RELCH: variants seen among roughly 807,000 people sequenced by gnomAD.
RELCH encodes the protein RAB11-binding protein RELCH.
Under a neutral mutation model 150.3 loss-of-function variants are expected in RELCH, and 41 were observed. The observed-to-expected ratio is 0.27, with a 90% confidence interval of 0.21 to 0.35. The LOEUF (loss-of-function observed/expected upper bound fraction) is 0.35, where lower values mean the gene tolerates loss of function less well. Ranked by LOEUF, RELCH falls within the 10% of genes least tolerant of loss-of-function variation. The pLI is 1.00. For synonymous variants in RELCH, 478 were observed against 531.8 expected, an observed-to-expected ratio of 0.90 and a Z score of 1.39; for missense variants, 1,092 against 1,467.8, an observed-to-expected ratio of 0.74 and a Z score of 4.18.
At chr18:62,195,696 CT>C (rs377377452) in intron 1 of RELCH, among the ~76,000 whole-genome samples, 1,758 of 147,846 alleles carry the variant, frequency 0.012, 27 homozygotes, top group East Asian at 0.052. Context: ...AATCATCTTC[CT>C]TTTTTTTTTC....
chr18:62,268,894 C>A lies in RELCH; in HGVS notation c.2706C>A (p.Leu902=). 2 of 1,546,300 alleles carry A rather than the reference C, an allele frequency of 1.3e-6. No individual in the cohort carries two copies. The highest frequency in any genetic ancestry group is 1.8e-6 in the Non-Finnish European group (2 of 1,141,522). Residue 902 remains leucine, a synonymous_variant, in exon 20 of 29, where the codon CTC becomes CTA. Transcript: ENST00000644646. The stretch of plus-strand genomic sequence containing the variant: ...ATTCCTCAGCAGGAAATGGGGTCCT[C>A]ACTAAAGCTACAGTCCCCATTTATG... The part of the protein sequence containing the change: ...NIDSSAGNGV[L]TKATVPIYAT...
Position 62,221,489 on chromosome 18 carries a change from G to C in RELCH, c.850G>C (p.Asp284His). 1 of 1,430,702 alleles carries C rather than the reference G, an allele frequency of 7.0e-7. No individual in the cohort carries two copies. The highest frequency in any genetic ancestry group is 1.3e-5 in the South Asian group (1 of 76,368). The allele number at this position is 1,430,702 out of a possible 1,614,324, so 88.6% of individuals were successfully genotyped here. The change falls in exon 5 of 29, where the codon GAT becomes CAT. Residue 284 changes from aspartate to histidine, a missense_variant. By Grantham distance (81) the Asp-to-His change is moderately conservative. Coordinates refer to ENST00000644646, the MANE Select transcript of RELCH (RefSeq NM_001346231.2). ...LTSITFSDEN[D>H]DQDFELWDDV... Reference sequence around the variant, plus strand: ...ATCAATAACCTTTTCAGATGAAAACGATGATCAGGTAAAGTTACTTTTTGT... The same window carrying C: ...ATCAATAACCTTTTCAGATGAAAACCATGATCAGGTAAAGTTACTTTTTGT...
At chr18:62,277,556 TA>T (rs145288891) in intron 22 of RELCH, 13 of 769,674 alleles carry the variant, frequency 1.7e-5, no homozygotes, top group South Asian at 5.8e-5. Context: ...AATAAAAACA[TA>T]AAAAAAACAC....
rs1028476058 is a variant in RELCH at position 62,308,521 on chromosome 18, A to G, written c.*2987A>G. On this transcript the variant is annotated 3_prime_UTR_variant, in exon 29 of 29. Coordinates refer to ENST00000644646, the MANE Select transcript of RELCH (RefSeq NM_001346231.2). ...AATCACTTGAGGTCAGTAGTTCAAG[A>G]CCAGCCTGGCCAACGTGGTGAAACC... 1 of 152,062 alleles carries G rather than the reference A, an allele frequency of 6.6e-6. No homozygotes were observed. Among genetic ancestry groups the G allele is most frequent in the Non-Finnish European group, 1.5e-5 (1 of 68,024 alleles). 9.4% of individuals were successfully genotyped at this position (152,062 alleles called of 1,614,324 possible).
intron 1 of RELCH, among the ~76,000 whole-genome samples, chr18:62,199,274 A>G (rs1164533823): frequency 6.6e-6 from 1 of 151,840 alleles, no homozygotes; most frequent in African/African-American, 2.4e-5. Context: ...TGGCTGTTCC[A>G]CTTATGGAAA....
chr18:62,232,486 C>A, intron 10 of RELCH, 59 bp downstream of exon 10: 1 of 1,031,234 alleles, frequency 9.7e-7, no homozygotes, highest in South Asian at 1.3e-5. Flanking sequence ...CATTTTTTGT[C>A]ATTTTGAAGT....
At chr18:62,302,503 G>T (rs763604847) in intron 28 of RELCH, among the ~76,000 whole-genome samples, 5 of 151,960 alleles carry the variant, frequency 3.3e-5, no homozygotes, top group Non-Finnish European at 7.4e-5. Flanking sequence ...GAAATCAAGT[G>T]GAGATTTTAT....
intron 22 of RELCH, among the ~76,000 whole-genome samples, chr18:62,275,909 C>G (rs913899397): frequency 3.3e-5 from 5 of 152,096 alleles, no homozygotes; most frequent in African/African-American, 9.7e-5. Flanking sequence ...TTATTGGTTA[C>G]TCCTACGTCA....
intron 25 of RELCH, among the ~76,000 whole-genome samples, chr18:62,286,534 G>A (rs1568435875): frequency 6.6e-6 from 1 of 152,048 alleles, no homozygotes; most frequent in Admixed American, 6.6e-5. Context: ...GGTCACTACA[G>A]TTGGTCAGCA....
Position 62,304,725 on chromosome 18 carries a change from A to G in RELCH, c.3531-689A>G, listed in dbSNP as rs143437427. Reference sequence around the variant, plus strand: ...CAGTATTCTGTTTCTGTTCAGTACTATGATAAATTAGCAATCTTTAGAGGT... The same window carrying G: ...CAGTATTCTGTTTCTGTTCAGTACTGTGATAAATTAGCAATCTTTAGAGGT... On this transcript the variant is annotated intron_variant, in intron 28 of 28. Coordinates refer to ENST00000644646, the MANE Select transcript of RELCH (RefSeq NM_001346231.2). 3.6e-3 allele frequency among the ~76,000 whole-genome samples: 550 copies of G among 152,322 alleles called. 1 individual carries two copies. Among genetic ancestry groups the G allele is most frequent in the African/African-American group, 0.013 (521 of 41,568 alleles).
In RELCH at chr18:62,302,512, ATTTTTG is replaced by A. The variant is rs775464465; in HGVS notation, c.3531-2884_3531-2879del. 5.5e-4 allele frequency among the ~76,000 whole-genome samples: 83 copies of A among 151,978 alleles called. 3 individuals are homozygous for A. The highest frequency in any genetic ancestry group is 1.2e-4 in the Non-Finnish European group (8 of 67,958). ...GTGTTAGAAATCAAGTGGAGATTTTATTTTTGTTTTTGTTTTTGTTTTTTTCAAGAT... is the reference window on the plus strand; with the variant it reads ...GTGTTAGAAATCAAGTGGAGATTTTATTTTTGTTTTTGTTTTTTTCAAGAT... On this transcript the variant is annotated intron_variant, in intron 28 of 28. Coordinates refer to ENST00000644646, the MANE Select transcript of RELCH (RefSeq NM_001346231.2).
chr18:62,197,117 T>C (rs1336421060), intron 1 of RELCH, among the ~76,000 whole-genome samples: 1 of 152,224 alleles, frequency 6.6e-6, no homozygotes, highest in Non-Finnish European at 1.5e-5. Flanking sequence ...TATTTTTTCA[T>C]GTTTAAAACA....
intron 20 of RELCH, among the ~76,000 whole-genome samples, chr18:62,272,905 C>T (rs2043985566): frequency 6.6e-6 from 1 of 151,886 alleles, no homozygotes; most frequent in Non-Finnish European, 1.5e-5. Flanking sequence ...ACCATTCCAG[C>T]GTTGTCCTGA....
intron 28 of RELCH, among the ~76,000 whole-genome samples, chr18:62,302,018 C>T (rs2045685987): frequency 6.6e-6 from 1 of 152,198 alleles, no homozygotes; most frequent in Non-Finnish European, 1.5e-5. Flanking sequence ...CATTACGGTC[C>T]TTGAGACCGT....
chr18:62,264,273 A>G, intron 17 of RELCH, 128 bp downstream of exon 17: 1 of 677,526 alleles, frequency 1.5e-6, no homozygotes, highest in Non-Finnish European at 2.5e-6. Flanking sequence ...CACCTTTAGG[A>G]CACAGAGGAT....
chr18:62,296,928 G>T (rs749665642), intron 27 of RELCH, among the ~76,000 whole-genome samples: 3 of 152,188 alleles, frequency 2.0e-5, no homozygotes, highest in Non-Finnish European at 4.4e-5. Flanking sequence ...CTAGTATTTT[G>T]TTGAGGATCC....
At chr18:62,242,992 A>G (rs556069104) in intron 10 of RELCH, among the ~76,000 whole-genome samples, 4 of 152,254 alleles carry the variant, frequency 2.6e-5, no homozygotes, top group African/African-American at 9.6e-5. Context: ...GGAGGAAACA[A>G]GATCTGACAT....
At chr18:62,298,955 C>A (rs994018122) in intron 28 of RELCH, 95 bp downstream of exon 28, 2 of 662,156 alleles carry the variant, frequency 3.0e-6, no homozygotes, top group East Asian at 2.7e-5. Flanking sequence ...TTTTGTGTTA[C>A]GTTATAGTCC....
chr18:62,252,280 T>C (rs991686571), intron 11 of RELCH, among the ~76,000 whole-genome samples: 3 of 151,672 alleles, frequency 2.0e-5, no homozygotes, highest in African/African-American at 7.3e-5. Flanking sequence ...ATTACAGGCG[T>C]GAGCTACTGC....
Sources: allele counts gnomAD v4.1 joint callset (sites outside exome capture counted in the v4.1 genomes callset), GRCh38; gene constraint gnomAD v4.1.1; transcripts MANE v1.5; gene names NCBI Gene and HGNC (gene_info 2026-07-23, HGNC 2026-07-21).